Variants in MS4A10 observed in about 807,000 individuals in gnomAD.
MS4A10 encodes the protein membrane spanning 4-domains A10.
A neutral mutation model predicts 27.7 loss-of-function variants in MS4A10; 27 were observed. The observed-to-expected ratio is 0.98, with a 90% confidence interval of 0.72 to 1.35. MS4A10 has a LOEUF of 1.35. Ranked by LOEUF, MS4A10 falls within the 40% of genes most tolerant of loss-of-function variation. MS4A10 has a pLI of 0.00. For missense variants in MS4A10, 338 were observed against 324.7 expected (o/e 1.04, Z -0.32); for synonymous variants, 139 against 131.2 (o/e 1.06, Z -0.41).
At chr11:60,790,100 C>T (rs1407501269) in intron 1 of MS4A10, among the ~76,000 whole-genome samples, 1 of 152,188 alleles carries the variant, frequency 6.6e-6, no homozygotes, top group Non-Finnish European at 1.5e-5. Flanking sequence ...TGTGTCTTTG[C>T]AACCCCAGAA....
At position 60,790,388 on chromosome 11, in the gene MS4A10, C is replaced by T. The variant is rs1200039382; in HGVS notation, c.53C>T (p.Ser18Leu). The change falls in exon 2 of 8, where the codon TCA (serine) becomes TTA (leucine). Residue 18 changes from serine to leucine, a missense_variant. Physicochemically the swap from Ser to Leu is moderately radical, Grantham distance 145 (BLOSUM62 -2). Transcript: ENST00000308287. ...IPSRCARGLP[S>L]WQVLSPVQPW... ...AGCCGTTGTGCTAGGGGGCTCCCATCATGGCAAGTCCTCAGCCCAGTCCAG... is the reference window on the plus strand; with the variant it reads ...AGCCGTTGTGCTAGGGGGCTCCCATTATGGCAAGTCCTCAGCCCAGTCCAG... The T allele has an allele frequency of 1.9e-6, 3 of 1,614,040 alleles. No homozygotes were observed.
intron 4 of MS4A10, 109 bp from the exon 5 acceptor site, chr11:60,793,863 C>CA: frequency 7.9e-7 from 1 of 1,269,932 alleles, no homozygotes; most frequent in Non-Finnish European, 1.1e-6. Flanking sequence ...CAGTGACAGG[C>CA]AGAGTCTCTC....
rs184744511 is a variant in MS4A10, at chr11:60,787,516, G to C, written c.-23+2095G>C. Among the ~76,000 whole-genome samples, 656 of 152,304 alleles carry C rather than the reference G, an allele frequency of 4.3e-3. 4 individuals carry two copies. The highest frequency in any genetic ancestry group is 0.017 in the Middle Eastern group (5 of 294). ...AGCGGCTCTCTATCCCGTGAGAGAA[G>C]TATTATATTTAAAGTTGGAAGGGAC... On this transcript the variant is annotated intron_variant, in intron 1 of 7. Transcript: ENST00000308287.
chr11:60,790,639 A>G, intron 2 of MS4A10, 121 bp downstream of exon 2: 3 of 1,109,910 alleles, frequency 2.7e-6, no homozygotes, highest in Non-Finnish European at 3.8e-6. Context: ...TTTCCTGCTG[A>G]ACATTCATCT....
Position 60,790,995 on chromosome 11 carries a change from CT to C in MS4A10, c.206del (p.Leu69ArgfsTer13). On this transcript the variant is annotated frameshift_variant, in exon 3 of 8. Transcript: ENST00000308287. LOFTEE classifies it high-confidence loss of function. ...ELGAFHITIA[L>X]LHLVFGGYLA... ...CCAGGCCTTCCACATCACCATCGCT[CT>C]GCTGCACCTGGTCTTTGGGGGCTAC... 2.5e-6 allele frequency: 4 copies of C among 1,614,214 alleles called. No homozygotes were observed. Among genetic ancestry groups the C allele is most frequent in the Non-Finnish European group, 3.4e-6 (4 of 1,180,036 alleles).
chr11:60,792,409 G>A (rs970922721), intron 4 of MS4A10, 88 bp downstream of exon 4: 1 of 1,025,336 alleles, frequency 9.8e-7, no homozygotes, highest in Non-Finnish European at 1.5e-6. Flanking sequence ...GATTGTGAGG[G>A]CACTTCTCCA....
At chr11:60,793,425 CT>C (rs1426348767) in intron 4 of MS4A10, among the ~76,000 whole-genome samples, 1 of 152,180 alleles carries the variant, frequency 6.6e-6, no homozygotes, top group African/African-American at 2.4e-5. Flanking sequence ...AGGATTTGCA[CT>C]TGGCAAGAGG....
At position 60,794,251 on chromosome 11, in the gene MS4A10, A is replaced by G; in HGVS notation, c.492+148A>G. The G allele has an allele frequency of 6.9e-6, 6 of 869,684 alleles. 1 individual carries two copies. The highest frequency in any genetic ancestry group is 3.4e-5 in the South Asian group (2 of 58,218). 53.9% of individuals were successfully genotyped at this position (869,684 alleles called of 1,614,324 possible). On this transcript the variant is annotated intron_variant, in intron 5 of 7. Transcript: ENST00000308287. ...CTTTGCCAACCTGTTTCTGTCCCCTACAAGGTGTGGTGGAAAGGTGGGTGC... is the reference window on the plus strand; with the variant it reads ...CTTTGCCAACCTGTTTCTGTCCCCTGCAAGGTGTGGTGGAAAGGTGGGTGC...
intron 4 of MS4A10, among the ~76,000 whole-genome samples, chr11:60,793,334 A>G (rs1322202251): frequency 1.3e-5 from 2 of 152,194 alleles, no homozygotes; most frequent in Non-Finnish European, 2.9e-5. Context: ...ACCTGAGCAT[A>G]AGGACACTCT....
rs189396692 is a variant in MS4A10 at position 60,800,342 on chromosome 11, G to A, written c.*433G>A. ...ATTTTTATATTTTTAGTAGAGACAG[G>A]ATTGCACCATATTGGTCAGCCTGGT... On this transcript the variant is annotated 3_prime_UTR_variant, in exon 8 of 8. Coordinates refer to ENST00000308287, the MANE Select transcript of MS4A10 (RefSeq NM_206893.4). 7.2e-3 allele frequency: 1,228 copies of A among 169,570 alleles called. 7 individuals are homozygous for A. Among genetic ancestry groups the A allele is most frequent in the Non-Finnish European group, 0.011 (878 of 78,696 alleles). The allele number at this position is 169,570 out of a possible 1,614,324, so 10.5% of individuals were successfully genotyped here. A position where few individuals can be genotyped will look rare whatever the true frequency, so the allele number is the denominator to read the frequency against.
chr11:60,790,496 G>A lies in MS4A10; in HGVS notation c.161G>A (p.Ser54Asn). 1.9e-6 allele frequency: 3 copies of A among 1,614,162 alleles called. No homozygotes were observed. The highest frequency in any genetic ancestry group is 2.5e-6 in the Non-Finnish European group (3 of 1,180,028). The part of the protein sequence containing the change: ...PHQHEKSQKK[S>N]SLLKELGAFH... ...CAGCACGAGAAGTCCCAGAAGAAGAGCAGCCTTCTTAAGGAGCTGGGGGTG... is the reference window on the plus strand; with the variant it reads ...CAGCACGAGAAGTCCCAGAAGAAGAACAGCCTTCTTAAGGAGCTGGGGGTG... The change falls in exon 2 of 8, where the codon AGC becomes AAC. Residue 54 changes from serine to asparagine, a missense_variant. Physicochemically the swap from Ser to Asn is conservative, Grantham distance 46 (BLOSUM62 1). Transcript: ENST00000308287.
chr11:60,799,876 C>G lies in MS4A10; in HGVS notation c.771C>G (p.Asp257Glu), dbSNP rs142117652. 1 of 1,612,530 alleles carries G rather than the reference C, an allele frequency of 6.2e-7. No individual in the cohort carries two copies. The highest frequency in any genetic ancestry group is 8.5e-7 in the Non-Finnish European group (1 of 1,178,870). The change falls in exon 8 of 8, where the codon GAC (aspartate) becomes GAG (glutamate). Residue 257 changes from aspartate to glutamate, a missense_variant. Coordinates refer to ENST00000308287, the MANE Select transcript of MS4A10 (RefSeq NM_206893.4). The part of the protein sequence containing the change: ...QVAPDTWIVT[D>E]GAAIWTQTAN ...CCCCGGACACATGGATAGTCACTGA[C>G]GGAGCTGCGATCTGGACCCAGACTG...
At chr11:60,791,166 A>C in intron 3 of MS4A10, 73 bp downstream of exon 3, 1 of 1,588,612 alleles carries the variant, frequency 6.3e-7, no homozygotes, top group Non-Finnish European at 8.5e-7. Context: ...GGCATTTGGG[A>C]CAGGATGCAG....
At chr11:60,794,136 T>A (rs1343126071) in intron 5 of MS4A10, 33 bp downstream of exon 5, 1 of 1,612,956 alleles carries the variant, frequency 6.2e-7, no homozygotes, top group South Asian at 1.1e-5. Flanking sequence ...CCCTCTGACT[T>A]CAGCGAAGGT....
intron 6 of MS4A10, among the ~76,000 whole-genome samples, chr11:60,797,263 T>G (rs1854546930): frequency 6.6e-6 from 1 of 152,234 alleles, no homozygotes; most frequent in Non-Finnish European, 1.5e-5. Context: ...TGACCTTTGC[T>G]GTGTTCCAGG....
chr11:60,791,118 CG>C, intron 3 of MS4A10, 25 bp downstream of exon 3: 1 of 1,612,474 alleles, frequency 6.2e-7, no homozygotes, highest in Non-Finnish European at 8.5e-7. Flanking sequence ...AAACACAGAC[CG>C]GGTGTGGGAG....
At chr11:60,795,379 C>A (rs1366641128) in intron 5 of MS4A10, among the ~76,000 whole-genome samples, 176 bp from the exon 6 acceptor site, 1 of 152,158 alleles carries the variant, frequency 6.6e-6, no homozygotes, top group African/African-American at 2.4e-5. Flanking sequence ...CCAAGACAGA[C>A]CAAGTCCCCG....
intron 1 of MS4A10, among the ~76,000 whole-genome samples, chr11:60,788,825 C>T (rs7123684): frequency 6.6e-6 from 1 of 152,136 alleles, no homozygotes; most frequent in Non-Finnish European, 1.5e-5. Context: ...TGGAGTAAGA[C>T]CATGCGTGGT....
intron 1 of MS4A10, among the ~76,000 whole-genome samples, chr11:60,787,115 C>T (rs1282323394): frequency 2.6e-5 from 4 of 152,092 alleles, no homozygotes; most frequent in Non-Finnish European, 5.9e-5. Context: ...GGGACCCAGG[C>T]ATCCCGTGGC....
Sources: gnomAD v4.1 joint callset for allele counts (sites outside exome capture counted in the v4.1 genomes callset) on GRCh38, gnomAD v4.1.1 for gene constraint, MANE v1.5 for transcripts, NCBI Gene and HGNC (gene_info 2026-07-23, HGNC 2026-07-21) for gene names.